The following PRKG1 variants were observed in gnomAD, a reference collection of about 807,000 sequenced individuals.
PRKG1 encodes the protein protein kinase cGMP-dependent 1.
PRKG1 carries 35 observed loss-of-function variants against 88.1 expected under a neutral mutation model. The ratio of observed to expected loss-of-function variants is 0.40; its 90% confidence interval spans 0.30 to 0.53. The LOEUF (loss-of-function observed/expected upper bound fraction) is 0.53, where lower values mean the gene tolerates loss of function less well. PRKG1 is among the 20% of genes least tolerant of loss of function. The probability of loss-of-function intolerance (pLI) is 0.59; values close to 1 mark genes in which losing one functional copy is unlikely to be tolerated. For missense variants in PRKG1, 540 were observed against 839.8 expected (o/e 0.64, Z 4.41); for synonymous variants, 303 against 292.5 (o/e 1.04, Z -0.37).
intron 2 of PRKG1, among the ~76,000 whole-genome samples, chr10:51,346,138 C>A (rs1228048556): frequency 6.6e-6 from 1 of 152,080 alleles, no homozygotes; most frequent in African/African-American, 2.4e-5. Flanking sequence ...TTAAATTAAA[C>A]CCAACAGAGG....
chr10:51,697,742 A>T, intron 3 of PRKG1: 1 of 1,614,188 alleles, frequency 6.2e-7, no homozygotes, highest in Non-Finnish European at 8.5e-7. Context: ...CTTTAAAATC[A>T]GGATACTCTG....
chr10:52,051,911 G>C (rs962427019), intron 5 of PRKG1, among the ~76,000 whole-genome samples: 4 of 152,052 alleles, frequency 2.6e-5, no homozygotes, highest in African/African-American at 9.7e-5. Flanking sequence ...GGAAGAGAAA[G>C]GTACTTAGTT....
chr10:51,497,062 G>T (rs760012146), intron 3 of PRKG1, among the ~76,000 whole-genome samples: 2 of 152,134 alleles, frequency 1.3e-5, no homozygotes, highest in Non-Finnish European at 2.9e-5. Flanking sequence ...CTTACGGAAA[G>T]ATCATTTGAA....
At chr10:51,941,401 A>G (rs964792127) in intron 5 of PRKG1, among the ~76,000 whole-genome samples, 4 of 151,860 alleles carry the variant, frequency 2.6e-5, no homozygotes, top group Non-Finnish European at 4.4e-5. Flanking sequence ...TTTAACATTC[A>G]CATGCTTTTA....
At chr10:51,410,588 T>C (rs1838057322) in intron 2 of PRKG1, among the ~76,000 whole-genome samples, 1 of 152,118 alleles carries the variant, frequency 6.6e-6, no homozygotes. Flanking sequence ...TAATCTCCTT[T>C]GGCAACACCC....
chr10:52,033,194 C>T (rs972698946), intron 5 of PRKG1, among the ~76,000 whole-genome samples: 2 of 152,114 alleles, frequency 1.3e-5, no homozygotes, highest in African/African-American at 2.4e-5. Flanking sequence ...GTTCAGATTC[C>T]CTTCCTCTTG....
chr10:51,970,603 G>T (rs1250744175), intron 5 of PRKG1, among the ~76,000 whole-genome samples: 1 of 149,132 alleles, frequency 6.7e-6, no homozygotes, highest in Non-Finnish European at 1.5e-5. Flanking sequence ...TGCTATCCTT[G>T]TTTCATTTGT....
chr10:51,151,861 C>G (rs1431026288), intron 1 of PRKG1, among the ~76,000 whole-genome samples: 1 of 151,958 alleles, frequency 6.6e-6, no homozygotes, highest in Non-Finnish European at 1.5e-5. Context: ...TGAAAAGCCT[C>G]CCAGAAATGG....
chr10:51,171,538 A>G (rs1226937924), intron 2 of PRKG1, among the ~76,000 whole-genome samples: 2 of 152,144 alleles, frequency 1.3e-5, no homozygotes, highest in East Asian at 3.9e-4. Context: ...TATTTATCCT[A>G]TGGGAAGGGA....
intron 7 of PRKG1, among the ~76,000 whole-genome samples, chr10:52,084,821 GT>G (rs1169603367): frequency 2.0e-5 from 3 of 151,840 alleles, no homozygotes; most frequent in Non-Finnish European, 2.9e-5. Context: ...TTTTTGTCCA[GT>G]TTTCAAGCCA....
chr10:51,643,612 G>T (rs1839850924), intron 3 of PRKG1, among the ~76,000 whole-genome samples: 1 of 152,098 alleles, frequency 6.6e-6, no homozygotes, highest in Non-Finnish European at 1.5e-5. Flanking sequence ...TAGCTAATTG[G>T]CATAGACTGT....
chr10:51,225,017 A>G (rs756736017), intron 2 of PRKG1, among the ~76,000 whole-genome samples: 2 of 152,198 alleles, frequency 1.3e-5, no homozygotes, highest in Non-Finnish European at 2.9e-5. Flanking sequence ...GAGAACTTTG[A>G]TTTGCAGTTA....
chr10:51,922,160 C>T (rs1554855480), intron 5 of PRKG1, among the ~76,000 whole-genome samples: 1 of 151,300 alleles, frequency 6.6e-6, no homozygotes, highest in Non-Finnish European at 1.5e-5. Flanking sequence ...GGAATTGGTC[C>T]ACTTTTCTAA....
At chr10:52,085,477 C>A (rs1827301088) in intron 7 of PRKG1, among the ~76,000 whole-genome samples, 1 of 151,962 alleles carries the variant, frequency 6.6e-6, no homozygotes, top group Admixed American at 6.6e-5. Context: ...TCAAATTGTC[C>A]CAGACTTGAC....
intron 2 of PRKG1, among the ~76,000 whole-genome samples, chr10:51,193,414 A>G (rs1020428812): frequency 6.6e-6 from 1 of 151,976 alleles, no homozygotes; most frequent in African/African-American, 2.4e-5. Context: ...GTGGATTGTT[A>G]TTATATATAT....
chr10:52,177,603 AT>A (rs1164460252), intron 9 of PRKG1, among the ~76,000 whole-genome samples: 9 of 152,102 alleles, frequency 5.9e-5, no homozygotes, highest in African/African-American at 2.2e-4. Context: ...GTTTGGTGGA[AT>A]TCAGTGATAA....
intron 1 of PRKG1, among the ~76,000 whole-genome samples, chr10:51,013,889 G>T (rs927446848): frequency 6.6e-6 from 1 of 152,040 alleles, no homozygotes; most frequent in Non-Finnish European, 1.5e-5. Flanking sequence ...CAACAACTGA[G>T]CACTATTTGT....
intron 1 of PRKG1, among the ~76,000 whole-genome samples, chr10:51,137,832 A>G (rs1845724701): frequency 6.6e-6 from 1 of 152,216 alleles, no homozygotes; most frequent in South Asian, 2.1e-4. Flanking sequence ...AGAAAAGGTC[A>G]CACCAGTTTG....
chr10:51,780,821 C>T (rs1383950052), intron 3 of PRKG1, among the ~76,000 whole-genome samples: 1 of 152,116 alleles, frequency 6.6e-6, no homozygotes, highest in East Asian at 1.9e-4. Context: ...TATTTATTTG[C>T]AGGAAATGTT....
Sources: allele counts gnomAD v4.1 joint callset (sites outside exome capture counted in the v4.1 genomes callset), GRCh38; gene constraint gnomAD v4.1.1; transcripts MANE v1.5; gene names NCBI Gene and HGNC (gene_info 2026-07-23, HGNC 2026-07-21).